The following OPRM1 variants were observed in gnomAD, a reference collection of about 807,000 sequenced individuals.
OPRM1 encodes the protein mu-type opioid receptor.
Under a neutral mutation model 31.8 loss-of-function variants are expected in OPRM1, and 27 were observed. The ratio of observed to expected loss-of-function variants is 0.85; its 90% CI spans 0.63 to 1.17. OPRM1 has a LOEUF of 1.17. Ranked by LOEUF, OPRM1 falls within the 50% of genes most tolerant of loss-of-function variation. The probability of loss-of-function intolerance (pLI) is 0.00; values close to 1 mark genes in which losing one functional copy is unlikely to be tolerated. For missense variants in OPRM1, 536 were observed against 511.1 expected (o/e 1.05, Z -0.47); for synonymous variants, 196 against 189.9 (o/e 1.03, Z -0.26).
At chr6:154,154,948 C>T (rs888441017) in intron 3 of OPRM1, 6 of 152,220 alleles carry the variant, frequency 3.9e-5, no homozygotes, top group Non-Finnish European at 5.9e-5. Flanking sequence ...GCGATTAAAA[C>T]TCCTGGTTTC....
At chr6:154,028,864 T>A (rs1250421743) in intron 1 of OPRM1, among the ~76,000 whole-genome samples, 1 of 152,216 alleles carries the variant, frequency 6.6e-6, no homozygotes, top group Non-Finnish European at 1.5e-5. Context: ...GATTCAAGAC[T>A]GTTTTTCCTA....
intron 1 of OPRM1, among the ~76,000 whole-genome samples, chr6:154,017,033 T>C (rs938815302): frequency 1.3e-5 from 2 of 152,196 alleles, no homozygotes; most frequent in African/African-American, 4.8e-5. Context: ...TAGCTTACTT[T>C]TTCATTGAGC....
At chr6:154,137,034 A>T (rs1036220860), downstream of OPRM1, among the ~76,000 whole-genome samples, 5 of 152,234 alleles carry the variant, frequency 3.3e-5, no homozygotes, top group Admixed American at 2.0e-4. Flanking sequence ...ATCTCATTTA[A>T]TCTTCACGAC....
chr6:154,040,373 C>T (rs990629646), intron 1 of OPRM1, among the ~76,000 whole-genome samples: 4 of 152,094 alleles, frequency 2.6e-5, no homozygotes, highest in African/African-American at 9.7e-5. Flanking sequence ...TTCCCTGTAC[C>T]ACAACCCCAC....
intron 3 of OPRM1, among the ~76,000 whole-genome samples, chr6:154,096,744 G>A (rs1432078036): frequency 6.6e-6 from 1 of 152,118 alleles, no homozygotes; most frequent in Non-Finnish European, 1.5e-5. Context: ...CAAGCACCCA[G>A]GGCTTCGAAT....
chr6:154,104,852 G>A (rs1382097122), intron 3 of OPRM1, among the ~76,000 whole-genome samples: 1 of 152,146 alleles, frequency 6.6e-6, no homozygotes, highest in South Asian at 2.1e-4. Flanking sequence ...CCATGGGTTT[G>A]TACCCTCAAA....
chr6:154,171,066 T>A (rs1444066995), intron 3 of OPRM1, among the ~76,000 whole-genome samples: 2 of 152,152 alleles, frequency 1.3e-5, no homozygotes, highest in Non-Finnish European at 2.9e-5. Context: ...AAATAGTTTG[T>A]CCATTTCTCA....
downstream of OPRM1, among the ~76,000 whole-genome samples, chr6:154,135,948 G>A (rs533668910): frequency 6.6e-6 from 1 of 152,322 alleles, no homozygotes; most frequent in South Asian, 2.1e-4. Context: ...GCATCGTAGG[G>A]AATATTAAAC....
chr6:154,219,985 A>AGTGTGTGTGTGTGTGTGT (rs57450665), intron 3 of OPRM1, among the ~76,000 whole-genome samples: 43 of 140,138 alleles, frequency 3.1e-4, no homozygotes, highest in Non-Finnish European at 4.1e-4. Context: ...ACCTGTAAGG[A>AGTGTGTGTGTGTGTGTGT]GTGTGTGTGT....
chr6:154,185,144 C>A (rs1801223679), intron 3 of OPRM1, among the ~76,000 whole-genome samples: 1 of 152,068 alleles, frequency 6.6e-6, no homozygotes, highest in Admixed American at 6.5e-5. Flanking sequence ...GTCCCCTGAG[C>A]CTCTTACCAT....
chr6:154,089,585 C>A (rs1433162045), intron 1 of OPRM1, among the ~76,000 whole-genome samples: 298 of 129,444 alleles, frequency 2.3e-3, no homozygotes, highest in African/African-American at 2.3e-3. Flanking sequence ...AGATCCTATC[C>A]AAAAAAAAAA....
rs201221097 is a variant in OPRM1 at position 154,039,259 on chromosome 6, C to G, written c.-286C>G. The G allele has an allele frequency of 1.3e-6, 2 of 1,551,730 alleles. No individual in the cohort carries two copies. The highest frequency in any genetic ancestry group is 3.9e-5 in the Admixed American group (2 of 51,010). On this transcript the variant is annotated 5_prime_UTR_variant, in exon 1 of 4. Transcript: ENST00000330432. The stretch of plus-strand genomic sequence containing the variant: ...TCCCTCCTCCCTCCCTTCCAGCCTC[C>G]GAATCCCGCATGGCCCACGCTCCCC...
chr6:154,039,793 G>A lies in OPRM1; in HGVS notation c.249G>A (p.Val83=), dbSNP rs1219687879. ...IMALYSIVCV[V]GLFGNFLVMY... is the part of the protein sequence containing the mutation. The stretch of plus-strand genomic sequence containing the variant: ...CCCTCTACTCCATCGTGTGCGTGGT[G>A]GGGCTCTTCGGAAACTTCCTGGTCA... Residue 83 remains valine (V), a synonymous_variant, in exon 1 of 4, where the codon GTG becomes GTA. Transcript: ENST00000330432. 1 of 1,598,016 alleles carries A rather than the reference G, an allele frequency of 6.3e-7. No individual in the cohort carries two copies. The highest frequency in any genetic ancestry group is 8.5e-7 in the Non-Finnish European group (1 of 1,177,812).
chr6:154,215,043 C>T (rs1291636877), intron 3 of OPRM1, among the ~76,000 whole-genome samples: 2 of 152,138 alleles, frequency 1.3e-5, no homozygotes, highest in Non-Finnish European at 2.9e-5. Flanking sequence ...ATATAATTTT[C>T]TACTTATTGG....
chr6:154,090,318 C>G, intron 2 of OPRM1, 140 bp downstream of exon 2: 2 of 623,342 alleles, frequency 3.2e-6, no homozygotes, highest in Non-Finnish European at 5.5e-6. Context: ...GCAAAAAAAG[C>G]CTTTGAATAC....
At chr6:154,042,602 G>T (rs778871941) in intron 1 of OPRM1, among the ~76,000 whole-genome samples, 2 of 152,154 alleles carry the variant, frequency 1.3e-5, no homozygotes, top group African/African-American at 2.4e-5. Flanking sequence ...GGTTCTGTTT[G>T]TAACACCATC....
intron 3 of OPRM1, among the ~76,000 whole-genome samples, chr6:154,192,318 C>CTGTGTGTTTGTGTGTG (rs374502866): frequency 3.4e-3 from 497 of 148,128 alleles, no homozygotes; most frequent in African/African-American, 0.012. Context: ...CACGTGGTTA[C>CTGTGTGTTTGTGTGTG]TGTGTGTGTG....
chr6:154,186,470 A>G (rs1240360320), intron 3 of OPRM1, among the ~76,000 whole-genome samples: 1 of 152,222 alleles, frequency 6.6e-6, no homozygotes, highest in African/African-American at 2.4e-5. Flanking sequence ...ACCTGAACAC[A>G]GGCAGCAGCC....
chr6:154,047,752 G>A (rs1781420254), intron 1 of OPRM1, among the ~76,000 whole-genome samples: 1 of 152,156 alleles, frequency 6.6e-6, no homozygotes, highest in Non-Finnish European at 1.5e-5. Flanking sequence ...TAAATAATAT[G>A]TTAGCTTATG....
Sources: gnomAD v4.1 joint callset for allele counts (sites outside exome capture counted in the v4.1 genomes callset) on GRCh38, gnomAD v4.1.1 for gene constraint, MANE v1.5 for transcripts, NCBI Gene and HGNC (gene_info 2026-07-23, HGNC 2026-07-21) for gene names.